ZNF544: variants seen among roughly 807,000 people sequenced by gnomAD.
ZNF544 encodes the protein zinc finger protein 544.
In ZNF544, 10 loss-of-function variants were observed where a neutral mutation model predicts 13.5. The observed-to-expected ratio is 0.74, with a 90% CI of 0.46 to 1.25. The LOEUF is 1.25. Among genes scored for constraint, ZNF544 ranks in the 50% most tolerant of loss-of-function variants. The pLI is 0.00. For missense variants in ZNF544, 896 were observed against 845.6 expected (o/e 1.06, Z -0.74); for synonymous variants, 323 against 300.5 (o/e 1.07, Z -0.77).
intron 4 of ZNF544, chr19:58,245,762 C>A (rs569076008): frequency 1.4e-3 from 241 of 170,866 alleles, no homozygotes; most frequent in Non-Finnish European, 2.3e-3. Context: ...TTTCTTACCT[C>A]ATTTCGAATC....
intron 6 of ZNF544, among the ~76,000 whole-genome samples, chr19:58,254,181 G>A (rs1309203667): frequency 1.3e-5 from 2 of 151,620 alleles, no homozygotes; most frequent in African/African-American, 4.8e-5. Context: ...CTGATATCAC[G>A]ACACTGCACT....
chr19:58,260,592 T>G, intron 6 of ZNF544: 1 of 351,892 alleles, frequency 2.8e-6, no homozygotes, highest in Non-Finnish European at 5.2e-6. Context: ...TCCCTGCTTA[T>G]TCTTATTCTT....
chr19:58,257,644 G>T (rs1412367180), intron 6 of ZNF544: 1 of 152,142 alleles, frequency 6.6e-6, no homozygotes. Context: ...GAAATTTAGG[G>T]TTTTCCTTTT....
chr19:58,242,659 C>T (rs1035790382), intron 3 of ZNF544, among the ~76,000 whole-genome samples: 1 of 151,882 alleles, frequency 6.6e-6, no homozygotes, highest in Non-Finnish European at 1.5e-5. Context: ...TTGCTGGGAC[C>T]TCAGACCATG....
chr19:58,259,980 C>T (rs2048537046), intron 6 of ZNF544, among the ~76,000 whole-genome samples: 1 of 152,138 alleles, frequency 6.6e-6, no homozygotes, highest in African/African-American at 2.4e-5. Context: ...TGGCTGTAAT[C>T]CCAGCACTTT....
At chr19:58,275,593 G>T (rs1488511300) in intron 5 of ZNF544, among the ~76,000 whole-genome samples, 1 of 151,828 alleles carries the variant, frequency 6.6e-6, no homozygotes, top group African/African-American at 2.4e-5. Flanking sequence ...TGGACTGCTT[G>T]AAATCAGGAG....
Position 58,262,199 on chromosome 19 carries a change from G to C in ZNF544, c.1593G>C (p.Gln531His). Residue 531 changes from glutamine (Q) to histidine (H), a missense_variant, in exon 7 of 7, where the codon CAG becomes CAC. Gln to His is a conservative substitution (Grantham distance 24, BLOSUM62 0). Coordinates refer to ENST00000687789, the MANE Select transcript of ZNF544 (RefSeq NM_014480.4). ...ECNLCGKSFS[Q>H]SSKLITHQRI... The stretch of plus-strand genomic sequence containing the variant: ...ACCTGTGTGGGAAATCCTTCTCCCA[G>C]AGTTCCAAACTTATTACGCATCAGC... The C allele has an allele frequency of 6.2e-7, 1 of 1,613,364 alleles. No homozygotes were observed. Among genetic ancestry groups the C allele is most frequent in the South Asian group, 1.1e-5 (1 of 91,052 alleles).
intron 3 of ZNF544, among the ~76,000 whole-genome samples, chr19:58,241,578 G>C (rs907003992): frequency 1.3e-5 from 2 of 150,718 alleles, no homozygotes; most frequent in Non-Finnish European, 1.5e-5. Flanking sequence ...CTCACTGCAA[G>C]CTCCGCCTCC....
rs767226248 is a variant in ZNF544 at position 58,261,755 on chromosome 19, T to C, written c.1149T>C (p.Thr383=). The C allele has an allele frequency of 2.5e-6, 4 of 1,614,080 alleles. No individual in the cohort carries two copies. Among genetic ancestry groups the C allele is most frequent in the Non-Finnish European group, 3.4e-6 (4 of 1,180,012 alleles). ...THTGEKPFEC[T]QCGKSFSQSY... ...CTGGAGAAAAGCCCTTCGAATGTAC[T>C]CAGTGTGGGAAATCTTTTAGCCAGA... Residue 383 remains threonine, a synonymous_variant, in exon 7 of 7, where the codon ACT becomes ACC. Transcript: ENST00000687789.
At chr19:58,269,804 C>T (rs2050405673) in intron 5 of ZNF544, among the ~76,000 whole-genome samples, 1 of 151,926 alleles carries the variant, frequency 6.6e-6, no homozygotes, top group Admixed American at 6.6e-5. Context: ...GCCTGCAATC[C>T]CAGCTACTCA....
intron 6 of ZNF544, among the ~76,000 whole-genome samples, chr19:58,251,702 A>G (rs927720714): frequency 2.6e-5 from 4 of 152,174 alleles, no homozygotes; most frequent in African/African-American, 4.8e-5. Context: ...GGCCTTTTGT[A>G]TAACATTTGT....
At chr19:58,250,316 T>C (rs2046091113) in intron 6 of ZNF544, among the ~76,000 whole-genome samples, 1 of 152,220 alleles carries the variant, frequency 6.6e-6, no homozygotes, top group African/African-American at 2.4e-5. Context: ...TTAGGCTTAG[T>C]GTCTACCAAC....
intron 2 of ZNF544, chr19:58,230,130 C>T (rs2040892467): frequency 6.6e-6 from 1 of 152,016 alleles, no homozygotes; most frequent in Admixed American, 6.6e-5. Context: ...GGAAACGTCA[C>T]CCCACAAGCA....
At chr19:58,237,064 T>G (rs1052777421) in intron 3 of ZNF544, among the ~76,000 whole-genome samples, 1 of 138,368 alleles carries the variant, frequency 7.2e-6, no homozygotes, top group Non-Finnish European at 1.6e-5. Flanking sequence ...CTTTTTACCT[T>G]TTTTTTTTTT....
chr19:58,263,323 T>C lies in ZNF544; in HGVS notation c.*569T>C, dbSNP rs186325438. The C allele has an allele frequency of 1.2e-5, 10 of 848,402 alleles. No homozygotes were observed. The African/African-American group carries it at 1.8e-4, about 16-fold the overall frequency. 52.6% of individuals were successfully genotyped at this position (848,402 alleles called of 1,614,324 possible). A position where few individuals can be genotyped will look rare whatever the true frequency, so the allele number is the denominator to read the frequency against. On this transcript the variant is annotated 3_prime_UTR_variant, in exon 7 of 7. Transcript: ENST00000687789. ...AAAAAATACAAAAATTAGCCTAGCA[T>C]GGTGGCGCATACCTGTAGTCCTAGC...
chr19:58,248,190 G>A (rs916897868), intron 6 of ZNF544, among the ~76,000 whole-genome samples: 1 of 151,358 alleles, frequency 6.6e-6, no homozygotes, highest in Non-Finnish European at 1.5e-5. Context: ...GGGATTACAG[G>A]CGTGAGCCAC....
intron 3 of ZNF544, among the ~76,000 whole-genome samples, chr19:58,234,532 G>A (rs1277421951): frequency 3.9e-5 from 6 of 152,242 alleles, no homozygotes; most frequent in South Asian, 2.1e-4. Context: ...GTTAATCATC[G>A]TTGATGGTGA....
intron 3 of ZNF544, among the ~76,000 whole-genome samples, chr19:58,241,852 G>A (rs2043953896): frequency 6.6e-6 from 1 of 152,096 alleles, no homozygotes; most frequent in Non-Finnish European, 1.5e-5. Flanking sequence ...CCCTGGCACT[G>A]AGGTCGCATG....
At chr19:58,251,461 G>T (rs1272335819) in intron 6 of ZNF544, 1 of 491,266 alleles carries the variant, frequency 2.0e-6, no homozygotes, top group Non-Finnish European at 4.1e-6. Context: ...GGCCAGTACT[G>T]AAAATGGTCC....
Sources: gnomAD v4.1 joint callset for allele counts (sites outside exome capture counted in the v4.1 genomes callset) on GRCh38, gnomAD v4.1.1 for gene constraint, MANE v1.5 for transcripts, NCBI Gene and HGNC (gene_info 2026-07-23, HGNC 2026-07-21) for gene names.